The following PLS1 variants were observed in gnomAD, a reference collection of about 807,000 sequenced individuals.
PLS1 encodes the protein plastin 1.
Under a neutral mutation model 73.7 loss-of-function variants are expected in PLS1, and 32 were observed. The ratio of observed to expected loss-of-function variants is 0.43; its 90% CI spans 0.33 to 0.58. The LOEUF (loss-of-function observed/expected upper bound fraction) is 0.58, where lower values mean the gene tolerates loss of function less well. Ranked by LOEUF, PLS1 falls within the 20% of genes least tolerant of loss-of-function variation. The probability of loss-of-function intolerance (pLI) is 0.04; values close to 1 mark genes in which losing one functional copy is unlikely to be tolerated. For synonymous variants in PLS1, 217 were observed against 261.3 expected (o/e 0.83, Z 1.63); for missense variants, 633 against 740.5 (o/e 0.85, Z 1.68).
At position 142,671,142 on chromosome 3, in the gene PLS1, T is replaced by C. The variant is rs559340352; in HGVS notation, c.364+20T>C. 1.4e-5 allele frequency: 23 copies of C among 1,603,706 alleles called. No homozygotes were observed. The South Asian group carries it at 2.0e-4, about 14-fold the overall frequency. On this transcript the variant is annotated intron_variant, in intron 4 of 15. Coordinates refer to ENST00000457734, the MANE Select transcript of PLS1 (RefSeq NM_001145319.2). ...ATTCAGGTAACTGACTTCTCCAAAT[T>C]TGATCTTTTAGTCACTGATTCATTG...
At chr3:142,662,452 AAATACCT>A (rs1340615795) in intron 1 of PLS1, among the ~76,000 whole-genome samples, 1 of 152,152 alleles carries the variant, frequency 6.6e-6, no homozygotes, top group Non-Finnish European at 1.5e-5. Context: ...GCATTAGGAG[AAATACCT>A]AATGTAGATG....
chr3:142,640,890 T>G (rs2036817842), intron 1 of PLS1, among the ~76,000 whole-genome samples: 1 of 152,176 alleles, frequency 6.6e-6, no homozygotes, highest in African/African-American at 2.4e-5. Context: ...TTTTTCTTCC[T>G]CTCTTGTCTG....
At chr3:142,693,494 G>A (rs1005364679) in intron 10 of PLS1, among the ~76,000 whole-genome samples, 3 of 152,212 alleles carry the variant, frequency 2.0e-5, no homozygotes, top group Non-Finnish European at 4.4e-5. Context: ...TAGAAGTGAT[G>A]ACAGGTGTAA....
At chr3:142,708,930 C>T (rs367955178) in intron 14 of PLS1, among the ~76,000 whole-genome samples, 6 of 152,168 alleles carry the variant, frequency 3.9e-5, no homozygotes, top group East Asian at 1.9e-4. Context: ...AGAAGCTTTA[C>T]GCAAGGTAAC....
chr3:142,669,395 G>A lies in PLS1; in HGVS notation c.76G>A (p.Asp26Asn). 1 of 1,532,142 alleles carries A rather than the reference G, an allele frequency of 6.5e-7. No homozygotes were observed. Among genetic ancestry groups the A allele is most frequent in the Non-Finnish European group, 9.0e-7 (1 of 1,115,822 alleles). The allele number at this position is 1,532,142 out of a possible 1,614,324, so 94.9% of individuals were successfully genotyped here. The change falls in exon 3 of 16, where the codon GAC (aspartate) becomes AAC (asparagine). Residue 26 changes from aspartate (D) to asparagine (N), a missense_variant. Transcript: ENST00000457734. ...TTTATAATATATCTTTACAGATATTGACAATAGTGGGTATGTCAGTGACTA... is the reference window on the plus strand; with the variant it reads ...TTTATAATATATCTTTACAGATATTAACAATAGTGGGTATGTCAGTGACTA... ...LQEAFNKIDI[D>N]NSGYVSDYEL...
Position 142,686,396 on chromosome 3 carries a change from T to G in PLS1, c.981+20T>G, listed in dbSNP as rs370247877. The G allele has an allele frequency of 7.8e-6, 11 of 1,411,672 alleles. No homozygotes were observed. The African/African-American group carries it at 1.3e-4, about 16-fold the overall frequency. The allele number at this position is 1,411,672 out of a possible 1,614,324, so 87.4% of individuals were successfully genotyped here. A position where few individuals can be genotyped will look rare whatever the true frequency, so the allele number is the denominator to read the frequency against. On this transcript the variant is annotated intron_variant, in intron 9 of 15. Transcript: ENST00000457734. Reference sequence around the variant, plus strand: ...ATTAATGTGAGTGCAATTTTTAACTTTTAAAATATATTGTGGTAAAACAGA... The same window carrying G: ...ATTAATGTGAGTGCAATTTTTAACTGTTAAAATATATTGTGGTAAAACAGA...
intron 1 of PLS1, among the ~76,000 whole-genome samples, chr3:142,661,187 A>T (rs1379310394): frequency 6.6e-6 from 1 of 152,202 alleles, no homozygotes; most frequent in Non-Finnish European, 1.5e-5. Context: ...CTTTGAACAC[A>T]AAATAAGAAT....
chr3:142,669,255 GA>G, intron 2 of PLS1, 134 bp from the exon 3 acceptor site: 6 of 553,708 alleles, frequency 1.1e-5, no homozygotes, highest in Non-Finnish European at 1.9e-5. Flanking sequence ...TCAGGTACAG[GA>G]AAAAAGGTTA....
chr3:142,602,717 CAGCTG>C (rs1371370308), intron 1 of PLS1, among the ~76,000 whole-genome samples: 1 of 152,136 alleles, frequency 6.6e-6, no homozygotes, highest in Non-Finnish European at 1.5e-5. Flanking sequence ...AAATGGAACT[CAGCTG>C]AGAGCGTGCT....
chr3:142,632,562 C>T (rs1269949926), intron 1 of PLS1, among the ~76,000 whole-genome samples: 1 of 151,536 alleles, frequency 6.6e-6, no homozygotes, highest in Non-Finnish European at 1.5e-5. Flanking sequence ...AGCAATTCCA[C>T]CTCTAGGTAT....
At chr3:142,626,502 T>A (rs2036431989) in intron 1 of PLS1, among the ~76,000 whole-genome samples, 2 of 152,234 alleles carry the variant, frequency 1.3e-5, no homozygotes, top group East Asian at 1.9e-4. Flanking sequence ...GACGATTTTT[T>A]AAATCTATTG....
At chr3:142,688,970 T>C (rs1020559385) in intron 9 of PLS1, among the ~76,000 whole-genome samples, 1 of 152,204 alleles carries the variant, frequency 6.6e-6, no homozygotes, top group Non-Finnish European at 1.5e-5. Flanking sequence ...CTATGCCTGT[T>C]ATCCAGAGGG....
chr3:142,668,305 C>T (rs968477395), intron 2 of PLS1, among the ~76,000 whole-genome samples: 2 of 152,034 alleles, frequency 1.3e-5, no homozygotes, highest in Admixed American at 1.3e-4. Context: ...AACCTGTTTC[C>T]CAAAGTCCAA....
At chr3:142,643,222 C>T (rs1216249814) in intron 1 of PLS1, among the ~76,000 whole-genome samples, 1 of 152,032 alleles carries the variant, frequency 6.6e-6, no homozygotes, top group Admixed American at 6.6e-5. Context: ...AAGGAAGGGC[C>T]AGGAGTTGTG....
At chr3:142,697,255 C>G (rs1384231983) in intron 11 of PLS1, among the ~76,000 whole-genome samples, 1 of 152,058 alleles carries the variant, frequency 6.6e-6, no homozygotes, top group African/African-American at 2.4e-5. Flanking sequence ...TCCTCTTAAC[C>G]CTCATTCCCG....
At chr3:142,707,747 C>A (rs545159250) in intron 14 of PLS1, among the ~76,000 whole-genome samples, 6 of 152,296 alleles carry the variant, frequency 3.9e-5, no homozygotes, top group Admixed American at 2.0e-4. Flanking sequence ...TCAAAGAGCT[C>A]ACTATTCAGG....
chr3:142,697,395 T>C (rs2038234220), intron 11 of PLS1, among the ~76,000 whole-genome samples: 2 of 152,168 alleles, frequency 1.3e-5, no homozygotes, highest in Non-Finnish European at 2.9e-5. Flanking sequence ...TGTAAGTATA[T>C]GGAATAAAAT....
At chr3:142,597,359 T>C (rs2035832405) in intron 1 of PLS1, 1 of 152,134 alleles carries the variant, frequency 6.6e-6, no homozygotes, top group South Asian at 2.1e-4. Context: ...GCAAGTACTT[T>C]TACACCCCCC....
intron 1 of PLS1, among the ~76,000 whole-genome samples, chr3:142,620,996 G>A (rs978695445): frequency 6.6e-6 from 1 of 152,074 alleles, no homozygotes; most frequent in Admixed American, 6.6e-5. Flanking sequence ...TCCAGCCTGG[G>A]TGACAGAGTG....
Sources: allele counts gnomAD v4.1 joint callset (sites outside exome capture counted in the v4.1 genomes callset), GRCh38; gene constraint gnomAD v4.1.1; transcripts MANE v1.5; gene names NCBI Gene and HGNC (gene_info 2026-07-23, HGNC 2026-07-21).